ZNF587: variants seen among roughly 807,000 people sequenced by gnomAD.
The protein encoded by ZNF587 is zinc finger protein 587.
In ZNF587, 8 loss-of-function variants were observed where a neutral mutation model predicts 7.5. That is an observed-to-expected ratio of 1.06 (90% confidence interval 0.62 to 1.92). The LOEUF (loss-of-function observed/expected upper bound fraction) is 1.92, where lower values mean the gene tolerates loss of function less well. ZNF587 is among the 40% of genes most tolerant of loss of function. The probability of loss-of-function intolerance (pLI) is 0.00; values close to 1 mark genes in which losing one functional copy is unlikely to be tolerated. For missense variants in ZNF587, 468 were observed against 692.8 expected, an observed-to-expected ratio of 0.68 and a Z score of 3.64; for synonymous variants, 145 against 237.8, an observed-to-expected ratio of 0.61 and a Z score of 3.59.
At chr19:57,850,447 C>T (rs1296889248) in intron 1 of ZNF587, 2 of 510,844 alleles carry the variant, frequency 3.9e-6, no homozygotes, top group African/African-American at 3.9e-5. Flanking sequence ...GAGATGGATT[C>T]ATAGGGGGTT....
intron 1 of ZNF587, among the ~76,000 whole-genome samples, chr19:57,853,103 T>C (rs956130270): frequency 6.6e-6 from 1 of 152,176 alleles, no homozygotes; most frequent in African/African-American, 2.4e-5. Flanking sequence ...TTCGCTGGCC[T>C]CTGCCTCCCC....
chr19:57,853,882 A>G (rs2071316899), intron 1 of ZNF587: 1 of 151,906 alleles, frequency 6.6e-6, no homozygotes, highest in Non-Finnish European at 1.5e-5. Context: ...CAGCCTCCCA[A>G]GTAGCTAGTA....
At chr19:57,854,521 C>T (rs1330228234) in intron 1 of ZNF587, among the ~76,000 whole-genome samples, 1 of 151,646 alleles carries the variant, frequency 6.6e-6, no homozygotes, top group Admixed American at 6.6e-5. Context: ...GAAAGTGGGA[C>T]AACCTTAAAA....
At chr19:57,855,072 T>C (rs1399270181) in intron 1 of ZNF587, among the ~76,000 whole-genome samples, 2 of 151,796 alleles carry the variant, frequency 1.3e-5, no homozygotes, top group African/African-American at 4.8e-5. Flanking sequence ...TAGTCCCAGC[T>C]ACTCGGGAGG....
Position 57,858,690 on chromosome 19 carries a change from C to T in ZNF587, c.278C>T (p.Pro93Leu). ...GGTGTTTCTCCTAAGAAGGCTCACC[C>T]CTGTGAAATGTGTGGCCTCATCTTG... ...RAGVSPKKAH[P>L]CEMCGLILED... is the part of the protein sequence containing the mutation. Residue 93 changes from proline to leucine, a missense_variant, in exon 3 of 3, where the codon CCC becomes CTC. By Grantham distance (98) the Pro-to-Leu change is moderately conservative (BLOSUM62 -3). Coordinates refer to ENST00000339656, the MANE Select transcript of ZNF587 (RefSeq NM_032828.4). 1 of 1,598,624 alleles carries T rather than the reference C, an allele frequency of 6.3e-7. No individual in the cohort carries two copies. Among genetic ancestry groups the T allele is most frequent in the Non-Finnish European group, 8.5e-7 (1 of 1,171,346 alleles).
At position 57,861,509 on chromosome 19, in the gene ZNF587, T is replaced by C. The variant is rs1415430092; in HGVS notation, c.*1369T>C. On this transcript the variant is annotated 3_prime_UTR_variant, in exon 3 of 3. Coordinates refer to ENST00000339656, the MANE Select transcript of ZNF587 (RefSeq NM_032828.4). ...CCACAACTGGATAACTTTTGTATTT[T>C]CTGTAGAGAGGGTTTTACCTTTTTG... is the stretch of plus-strand genomic sequence containing the variant. 1 of 152,096 alleles carries C rather than the reference T, an allele frequency of 6.6e-6. No homozygotes were observed. The highest frequency in any genetic ancestry group is 2.4e-5 in the African/African-American group (1 of 41,406). 9.4% of individuals were successfully genotyped at this position (152,096 alleles called of 1,614,324 possible).
At chr19:57,850,880 A>G (rs1354456434) in intron 1 of ZNF587, 1 of 256,704 alleles carries the variant, frequency 3.9e-6, no homozygotes, top group African/African-American at 2.2e-5. Context: ...GTTTCTGTGA[A>G]TTTCCTTGAA....
Position 57,862,695 on chromosome 19 carries a change from C to T in ZNF587, c.*2555C>T, listed in dbSNP as rs1367680461. The stretch of plus-strand genomic sequence containing the variant: ...TGAATTTGGCAAGTAACCACTGTTC[C>T]CAGGGAAATGTCCCAATCAGAAGAA... On this transcript the variant is annotated 3_prime_UTR_variant, in exon 3 of 3. Coordinates refer to ENST00000339656, the MANE Select transcript of ZNF587 (RefSeq NM_032828.4). 1.3e-5 allele frequency: 2 copies of T among 154,916 alleles called. No individual in the cohort carries two copies. The highest frequency in any genetic ancestry group is 1.3e-4 in the Admixed American group (2 of 15,258). The allele number at this position is 154,916 out of a possible 1,614,324, so 9.6% of individuals were successfully genotyped here.
rs1219425330 is a variant in ZNF587, at chr19:57,858,595, A to C, written c.183A>C (p.Lys61Asn). 6.3e-7 allele frequency: 1 copy of C among 1,597,324 alleles called. No homozygotes were observed. Among genetic ancestry groups the C allele is most frequent in the Non-Finnish European group, 8.5e-7 (1 of 1,171,042 alleles). The change falls in exon 3 of 3, where the codon AAA becomes AAC. Residue 61 changes from lysine (K) to asparagine (N), a missense_variant. By Grantham distance (94) the Lys-to-Asn change is moderately conservative. Transcript: ENST00000339656. ...ISSLGCWCGS[K>N]DEEAPCKQRI... ...TTTCAGGTTGTTGGTGTGGATCAAAAGATGAGGAGGCACCTTGTAAGCAGA... is the reference window on the plus strand; with the variant it reads ...TTTCAGGTTGTTGGTGTGGATCAAACGATGAGGAGGCACCTTGTAAGCAGA...
At chr19:57,854,787 TCTC>T (rs752151653) in intron 1 of ZNF587, among the ~76,000 whole-genome samples, 2 of 151,618 alleles carry the variant, frequency 1.3e-5, no homozygotes, top group Non-Finnish European at 2.9e-5. Flanking sequence ...ACCCCTATAA[TCTC>T]CTCACTTTCA....
intron 1 of ZNF587, chr19:57,851,052 G>C (rs1476471953): frequency 6.6e-6 from 1 of 152,270 alleles, no homozygotes; most frequent in Non-Finnish European, 1.5e-5. Flanking sequence ...ATGCTCTCGG[G>C]GCATAAAGAC....
At chr19:57,850,310 C>T (rs1168772366) in intron 1 of ZNF587, 2 of 657,042 alleles carry the variant, frequency 3.0e-6, no homozygotes, top group East Asian at 2.8e-5. Context: ...CACGCAGAGC[C>T]GTCCTGCTGT....
chr19:57,862,865 A>G lies in ZNF587; in HGVS notation c.*2725A>G, dbSNP rs1328674349. The G allele has an allele frequency of 6.4e-6, 1 of 155,076 alleles. No homozygotes were observed. The highest frequency in any genetic ancestry group is 1.9e-4 in the East Asian group (1 of 5,196). 9.6% of individuals were successfully genotyped at this position (155,076 alleles called of 1,614,324 possible). On this transcript the variant is annotated 3_prime_UTR_variant, in exon 3 of 3. Transcript: ENST00000339656. The stretch of plus-strand genomic sequence containing the variant: ...TTATTCTTCCTCTTATGGCTGACCA[A>G]AAACATGGAACCTCACAAAGTCCAC...
At chr19:57,853,756 TG>T (rs373537743) in intron 1 of ZNF587, 11,938 of 135,594 alleles carry the variant, frequency 0.088, 1,370 homozygotes, top group African/African-American at 0.25. Flanking sequence ...GTAACTTTTT[TG>T]TTTTTTTTTT....
intron 1 of ZNF587, among the ~76,000 whole-genome samples, chr19:57,852,556 C>T (rs950423504): frequency 5.3e-5 from 8 of 150,320 alleles, no homozygotes; most frequent in African/African-American, 2.0e-4. Flanking sequence ...CGTGGAATTT[C>T]AGTCTTGTTG....
chr19:57,857,626 A>G lies in ZNF587; in HGVS notation c.164-950A>G, dbSNP rs554929355. Among the ~76,000 whole-genome samples, 143 of 151,508 alleles carry G rather than the reference A, an allele frequency of 9.4e-4. 1 individual carries two copies. The highest frequency in any genetic ancestry group is 3.4e-3 in the Middle Eastern group (1 of 294). ...TATGTGTGTATGTGTATATATATAT[A>G]TGTGTGTGTGTATATGTATATTTTT... On this transcript the variant is annotated intron_variant, in intron 2 of 2. Transcript: ENST00000339656.
chr19:57,858,299 G>A (rs2071390883), intron 2 of ZNF587: 1 of 459,702 alleles, frequency 2.2e-6, no homozygotes, highest in Non-Finnish European at 3.7e-6. Flanking sequence ...GCTAATTTTT[G>A]TATTTTTAGT....
intron 1 of ZNF587, 97 bp from the exon 2 acceptor site, chr19:57,856,007 C>T (rs1251293056): frequency 6.4e-7 from 1 of 1,561,098 alleles, no homozygotes; most frequent in South Asian, 1.2e-5. Flanking sequence ...TGTTGGGGAC[C>T]TTGGGAGGAG....
At position 57,857,060 on chromosome 19, in the gene ZNF587, A is replaced by G. The variant is rs1172676132; in HGVS notation, c.163+827A>G. 9.2e-5 allele frequency: 14 copies of G among 152,010 alleles called. 1 individual carries two copies. Among genetic ancestry groups the G allele is most frequent in the Non-Finnish European group, 2.1e-4 (14 of 68,064 alleles). 9.4% of individuals were successfully genotyped at this position (152,010 alleles called of 1,614,324 possible). ...GTCAGGTGCTTAGTTGTCCTGAGCT[A>G]GTGTTGGCTGTTCATCTCTGCTATC... On this transcript the variant is annotated intron_variant, in intron 2 of 2. Transcript: ENST00000339656.
Sources: gnomAD v4.1 joint callset for allele counts (sites outside exome capture counted in the v4.1 genomes callset) on GRCh38, gnomAD v4.1.1 for gene constraint, MANE v1.5 for transcripts, NCBI Gene and HGNC (gene_info 2026-07-23, HGNC 2026-07-21) for gene names.